Variants in DENND5B observed in about 807,000 individuals in gnomAD.
The protein encoded by DENND5B is DENN domain containing 5B, also known as DENN domain-containing protein 5B.
A neutral mutation model predicts 140.6 loss-of-function variants in DENND5B; 34 were observed. The ratio of observed to expected loss-of-function variants is 0.24; its 90% CI spans 0.18 to 0.32. The LOEUF is 0.32. DENND5B is among the 10% of genes least tolerant of loss of function. The probability of loss-of-function intolerance (pLI) is 1.00; values close to 1 mark genes in which losing one functional copy is unlikely to be tolerated. For synonymous variants in DENND5B, 551 were observed against 562.1 expected (o/e 0.98, Z 0.28); for missense variants, 1,142 against 1,560.2 (o/e 0.73, Z 4.52).
chr12:31,402,655 A>C lies in DENND5B; in HGVS notation c.2804-12T>G. ...CCTATACGGAATCACTGAAAGAAAA[A>C]TGCAGAAATTAATTAAAAAGCGGGA... On this transcript the variant is annotated splice_polypyrimidine_tract_variant and intron_variant, in intron 14 of 20. Transcript: ENST00000389082. 1 of 1,583,574 alleles carries C rather than the reference A, an allele frequency of 6.3e-7. No individual in the cohort carries two copies. The highest frequency in any genetic ancestry group is 8.6e-7 in the Non-Finnish European group (1 of 1,165,052).
intron 3 of DENND5B, among the ~76,000 whole-genome samples, chr12:31,468,064 G>C (rs576837272): frequency 3.9e-5 from 6 of 152,076 alleles, no homozygotes; most frequent in African/African-American, 1.4e-4. Flanking sequence ...GACCAGCCTG[G>C]GCAACATACA....
At chr12:31,543,243 A>T (rs1948747716) in intron 1 of DENND5B, among the ~76,000 whole-genome samples, 1 of 152,154 alleles carries the variant, frequency 6.6e-6, no homozygotes, top group South Asian at 2.1e-4. Flanking sequence ...AATGGTTCAT[A>T]AAGATGCAAA....
chr12:31,571,408 G>T (rs1949817619), intron 1 of DENND5B, among the ~76,000 whole-genome samples: 1 of 151,600 alleles, frequency 6.6e-6, no homozygotes, highest in South Asian at 2.1e-4. Context: ...GATTATTTTA[G>T]CATTAAGCAA....
rs545841717 is a variant in DENND5B at position 31,551,976 on chromosome 12, G to C, written c.127+38730C>G. ...AAGGAGATTTTGGGCTGAGACGATG[G>C]GGTTTTCTAGATAGACAATCATGTT... On this transcript the variant is annotated intron_variant, in intron 1 of 20. Transcript: ENST00000389082. Among the ~76,000 whole-genome samples the C allele has an allele frequency of 1.1e-3, 169 of 152,192 alleles. 1 individual carries two copies. The highest frequency in any genetic ancestry group is 3.9e-3 in the African/African-American group (161 of 41,526).
intron 1 of DENND5B, among the ~76,000 whole-genome samples, chr12:31,575,777 A>AC (rs1424881620): frequency 6.6e-6 from 1 of 151,958 alleles, no homozygotes; most frequent in Non-Finnish European, 1.5e-5. Context: ...ACACAGTGTG[A>AC]CCCCATGTCT....
intron 1 of DENND5B, among the ~76,000 whole-genome samples, chr12:31,570,544 T>A (rs1412276240): frequency 1.3e-5 from 2 of 150,124 alleles, no homozygotes; most frequent in African/African-American, 4.9e-5. Context: ...CCCAAAGTGC[T>A]GGGATTACAG....
chr12:31,448,638 T>C (rs754182549), intron 5 of DENND5B, among the ~76,000 whole-genome samples: 1 of 152,166 alleles, frequency 6.6e-6, no homozygotes, highest in African/African-American at 2.4e-5. Flanking sequence ...GAGAAATCAA[T>C]AGATGAGTGT....
chr12:31,522,364 G>A (rs894142251), intron 1 of DENND5B, among the ~76,000 whole-genome samples: 1 of 152,188 alleles, frequency 6.6e-6, no homozygotes, highest in Non-Finnish European at 1.5e-5. Context: ...ACCTCCCTTT[G>A]AAAGCTGGGC....
intron 1 of DENND5B, among the ~76,000 whole-genome samples, chr12:31,511,920 C>CTT (rs1565652266): frequency 6.8e-5 from 5 of 73,744 alleles, no homozygotes; most frequent in South Asian, 4.5e-4. Context: ...CCTCCACTGC[C>CTT]CTTTTTTTTT....
At chr12:31,583,249 G>A (rs367780311) in intron 1 of DENND5B, among the ~76,000 whole-genome samples, 38 of 151,188 alleles carry the variant, frequency 2.5e-4, no homozygotes, top group South Asian at 8.3e-4. Context: ...GAGAGATAGC[G>A]CCACTGCGCT....
Position 31,387,755 on chromosome 12 carries a change from A to C in DENND5B, c.3673T>G (p.Leu1225Val). 1 of 1,613,976 alleles carries C rather than the reference A, an allele frequency of 6.2e-7. No homozygotes were observed. The highest frequency in any genetic ancestry group is 1.1e-5 in the South Asian group (1 of 91,070). ...DRLLPQWIPL[L>V]AECPAITRMY... is the part of the protein sequence containing the mutation. Reference sequence around the variant, plus strand: ...CGAGTGATGGCAGGACACTCAGCTAACAATGGAATCCACTGTGGGAGCAGG... The same window carrying C: ...CGAGTGATGGCAGGACACTCAGCTACCAATGGAATCCACTGTGGGAGCAGG... The change falls in exon 21 of 21, where the codon TTA becomes GTA. Residue 1225 changes from leucine (L) to valine (V), a missense_variant. Around this residue, in one of 5 missense-constraint regions of DENND5B, gnomAD observed 125 missense variants for 179.0 expected, o/e 0.70. Coordinates refer to ENST00000389082, the MANE Select transcript of DENND5B (RefSeq NM_144973.4).
intron 2 of DENND5B, among the ~76,000 whole-genome samples, chr12:31,489,303 C>T (rs552825326): frequency 1.5e-3 from 227 of 150,884 alleles, no homozygotes; most frequent in African/African-American, 5.0e-3. Flanking sequence ...TTCTCTCCCT[C>T]CTTCCATAAA....
At chr12:31,398,401 T>A in intron 16 of DENND5B, 39 bp from the exon 17 acceptor site, 1 of 1,514,304 alleles carries the variant, frequency 6.6e-7, no homozygotes, top group South Asian at 1.3e-5. Context: ...TTTTTATTTT[T>A]TTGAGACAGG....
At chr12:31,497,931 AGGGGGAGGGGGCGGGGAGGAGAG>A (rs1946842992) in intron 1 of DENND5B, among the ~76,000 whole-genome samples, 1 of 31,338 alleles carries the variant, frequency 3.2e-5, no homozygotes, top group African/African-American at 1.5e-4. Flanking sequence ...GGGCAAGGGC[AGGGGGAGGGGGCGGGGAGGAGAG>A]GGGAGGGGAG....
chr12:31,430,145 C>T (rs1338416804), intron 8 of DENND5B, among the ~76,000 whole-genome samples: 2 of 151,574 alleles, frequency 1.3e-5, no homozygotes, highest in African/African-American at 2.4e-5. Flanking sequence ...GCCTCAGCCT[C>T]CTGAGTAGCT....
intron 1 of DENND5B, among the ~76,000 whole-genome samples, chr12:31,528,889 C>T (rs1289878644): frequency 1.3e-5 from 2 of 152,030 alleles, no homozygotes; most frequent in Non-Finnish European, 2.9e-5. Context: ...GGGTCAGGCA[C>T]GGTGGCTCAT....
intron 13 of DENND5B, 78 bp downstream of exon 13, chr12:31,413,358 C>A: frequency 1.3e-6 from 2 of 1,528,882 alleles, no homozygotes; most frequent in Admixed American, 1.9e-5. Flanking sequence ...CTGAAGAAGC[C>A]AGTTTGTCAG....
intron 13 of DENND5B, among the ~76,000 whole-genome samples, chr12:31,413,216 T>C (rs960680547): frequency 6.6e-6 from 1 of 152,206 alleles, no homozygotes; most frequent in East Asian, 1.9e-4. Flanking sequence ...CATGCCCAAC[T>C]GCAATCTGGC....
intron 1 of DENND5B, among the ~76,000 whole-genome samples, chr12:31,579,528 G>A (rs530528987): frequency 3.9e-4 from 60 of 152,142 alleles, no homozygotes; most frequent in Non-Finnish European, 7.2e-4. Flanking sequence ...AGGCTTGGTG[G>A]CGAGTGCCTG....
Sources: allele counts gnomAD v4.1 joint callset (sites outside exome capture counted in the v4.1 genomes callset), GRCh38; gene constraint gnomAD v4.1.1; regional missense constraint gnomAD v4.1.1; transcripts MANE v1.5; gene names NCBI Gene and HGNC (gene_info 2026-07-23, HGNC 2026-07-21).